The following AUTS2 variants were observed in gnomAD, a reference collection of about 807,000 sequenced individuals.
AUTS2 encodes the protein activator of transcription and developmental regulator AUTS2.
A neutral mutation model predicts 112.4 loss-of-function variants in AUTS2; 17 were observed. The observed-to-expected ratio is 0.15, with a 90% confidence interval of 0.10 to 0.23. AUTS2 has a LOEUF of 0.23. AUTS2 is among the 10% of genes least tolerant of loss of function. AUTS2 has a pLI of 1.00. For missense variants in AUTS2, 1,510 were observed against 1,701.6 expected, an observed-to-expected ratio of 0.89 and a Z score of 1.98; for synonymous variants, 751 against 702.7, an observed-to-expected ratio of 1.07 and a Z score of -1.09.
At chr7:70,494,771 A>G (rs2116479830) in intron 5 of AUTS2, among the ~76,000 whole-genome samples, 1 of 152,346 alleles carries the variant, frequency 6.6e-6, no homozygotes, top group East Asian at 1.9e-4. Context: ...CAAAGTTCAA[A>G]AAGTAAACAT....
chr7:69,928,028 C>A (rs569822059), intron 2 of AUTS2, among the ~76,000 whole-genome samples: 1 of 152,142 alleles, frequency 6.6e-6, no homozygotes, highest in Non-Finnish European at 1.5e-5. Context: ...GTCTCACATC[C>A]AGGAAGAATG....
At chr7:70,692,353 A>G (rs1808798422) in intron 5 of AUTS2, among the ~76,000 whole-genome samples, 1 of 152,230 alleles carries the variant, frequency 6.6e-6, no homozygotes, top group African/African-American at 2.4e-5. Flanking sequence ...TTGCTAGAAC[A>G]ACAAGATAAG....
chr7:70,714,971 C>T (rs1164699776), intron 6 of AUTS2, among the ~76,000 whole-genome samples: 1 of 152,188 alleles, frequency 6.6e-6, no homozygotes, highest in Non-Finnish European at 1.5e-5. Context: ...CTCATGGTCT[C>T]ATCTATTGAT....
chr7:69,824,190 T>C (rs796609190), intron 1 of AUTS2, among the ~76,000 whole-genome samples: 5 of 151,852 alleles, frequency 3.3e-5, no homozygotes, highest in African/African-American at 1.2e-4. Flanking sequence ...GAGGTGGGCG[T>C]ATCACAAAGT....
chr7:70,689,012 A>G (rs575848796), intron 5 of AUTS2, among the ~76,000 whole-genome samples: 1 of 152,324 alleles, frequency 6.6e-6, no homozygotes, highest in East Asian at 1.9e-4. Flanking sequence ...TAAGGCTGGC[A>G]GGCTTTTATA....
intron 5 of AUTS2, among the ~76,000 whole-genome samples, chr7:70,628,999 G>A (rs1373312927): frequency 6.6e-6 from 1 of 152,202 alleles, no homozygotes; most frequent in East Asian, 1.9e-4. Context: ...GAGAGGACGA[G>A]TTTAGTAAGT....
rs1053803343 is a variant in AUTS2, at chr7:70,323,981, A to G, written c.661-111771A>G. 1.1e-4 allele frequency among the ~76,000 whole-genome samples: 17 copies of G among 152,342 alleles called. No individual in the cohort carries two copies. In the South Asian group the frequency reaches 1.4e-3, roughly 13 times the overall value. ...AGGAAATGTTCTACAAGGTGAAGAAATGGCACAGTTATGTTGCATGCAGTG... is the reference window on the plus strand; with the variant it reads ...AGGAAATGTTCTACAAGGTGAAGAAGTGGCACAGTTATGTTGCATGCAGTG... On this transcript the variant is annotated intron_variant, in intron 4 of 18. Coordinates refer to ENST00000342771, the MANE Select transcript of AUTS2 (RefSeq NM_015570.4).
At chr7:70,134,496 A>G in intron 3 of AUTS2, 40 bp from the exon 4 acceptor site, 2 of 1,602,980 alleles carry the variant, frequency 1.2e-6, no homozygotes, top group South Asian at 1.1e-5. Context: ...GTTAAAAACC[A>G]TTGCTGATTT....
chr7:70,028,369 C>T (rs1463075402), intron 2 of AUTS2, among the ~76,000 whole-genome samples: 2 of 152,226 alleles, frequency 1.3e-5, no homozygotes, highest in African/African-American at 4.8e-5. Context: ...AACCTGGCCA[C>T]TTGATGGCAG....
At chr7:69,930,754 G>A (rs1408466822) in intron 2 of AUTS2, among the ~76,000 whole-genome samples, 1 of 151,970 alleles carries the variant, frequency 6.6e-6, no homozygotes, top group Non-Finnish European at 1.5e-5. Context: ...TTTCAGTCTT[G>A]TCAGTTCTTA....
Position 70,773,212 on chromosome 7 carries a change from G to C in AUTS2, c.1831-816G>C, listed in dbSNP as rs75811373. On this transcript the variant is annotated intron_variant, in intron 11 of 18. Coordinates refer to ENST00000342771, the MANE Select transcript of AUTS2 (RefSeq NM_015570.4). ...GTAGGCAAGCTTCGGGCCTAAACTT[G>C]AGCTCCTTTTCCCCACGAGTTTAAC... 3.5e-3 allele frequency among the ~76,000 whole-genome samples: 527 copies of C among 152,046 alleles called. 2 individuals carry two copies. The highest frequency in any genetic ancestry group is 0.012 in the African/African-American group (514 of 41,460).
intron 14 of AUTS2, 149 bp from the exon 15 acceptor site, chr7:70,781,466 A>G: frequency 1.1e-6 from 1 of 903,524 alleles, no homozygotes; most frequent in Non-Finnish European, 1.6e-6. Flanking sequence ...TTTGAGGGTG[A>G]AATGGTTTTT....
At chr7:70,297,991 C>A (rs2129612937) in intron 4 of AUTS2, among the ~76,000 whole-genome samples, 1 of 152,070 alleles carries the variant, frequency 6.6e-6, no homozygotes, top group East Asian at 1.9e-4. Flanking sequence ...TCCTATGCAC[C>A]TGAAAAACCC....
At chr7:69,975,606 T>G (rs772168710) in intron 2 of AUTS2, among the ~76,000 whole-genome samples, 4 of 152,156 alleles carry the variant, frequency 2.6e-5, no homozygotes, top group Non-Finnish European at 5.9e-5. Flanking sequence ...TGAGTAATTT[T>G]AGTTGTTCTT....
chr7:70,615,049 G>A (rs751271717), intron 5 of AUTS2, among the ~76,000 whole-genome samples: 2 of 152,160 alleles, frequency 1.3e-5, no homozygotes, highest in African/African-American at 4.8e-5. Flanking sequence ...TAAAAATTAC[G>A]AACGCTGGAT....
intron 5 of AUTS2, among the ~76,000 whole-genome samples, chr7:70,652,000 G>A (rs755592746): frequency 9.9e-5 from 15 of 152,108 alleles, no homozygotes; most frequent in Admixed American, 4.6e-4. Flanking sequence ...AGACATCACC[G>A]GATTATGATC....
At chr7:70,589,378 T>G (rs1802831501) in intron 5 of AUTS2, among the ~76,000 whole-genome samples, 1 of 146,272 alleles carries the variant, frequency 6.8e-6, no homozygotes, top group African/African-American at 2.5e-5. Context: ...AAATGACCTT[T>G]TTGTGCACAA....
intron 2 of AUTS2, among the ~76,000 whole-genome samples, chr7:69,991,205 C>G (rs544677717): frequency 7.0e-4 from 107 of 152,140 alleles, no homozygotes; most frequent in Non-Finnish European, 1.4e-3. Context: ...TCTTCATTTC[C>G]CTTCACTGCG....
At chr7:70,529,461 T>A (rs1180951969) in intron 5 of AUTS2, among the ~76,000 whole-genome samples, 1 of 152,214 alleles carries the variant, frequency 6.6e-6, no homozygotes, top group East Asian at 1.9e-4. Flanking sequence ...AACCTGGAAC[T>A]TGAGCCCAGG....
Sources: allele counts gnomAD v4.1 joint callset (sites outside exome capture counted in the v4.1 genomes callset), GRCh38; gene constraint gnomAD v4.1.1; transcripts MANE v1.5; gene names NCBI Gene and HGNC (gene_info 2026-07-23, HGNC 2026-07-21).